HECW1: variants seen among roughly 807,000 people sequenced by gnomAD.
HECW1 encodes the protein E3 ubiquitin-protein ligase HECW1.
Under a neutral mutation model 182.3 loss-of-function variants are expected in HECW1, and 61 were observed. That is an observed-to-expected ratio of 0.33 (90% CI 0.27 to 0.41). HECW1 has a LOEUF of 0.41. HECW1 is among the 10% of genes least tolerant of loss of function. The pLI is 1.00. For synonymous variants in HECW1, 859 were observed against 832.6 expected, an observed-to-expected ratio of 1.03 and a Z score of -0.55; for missense variants, 1,739 against 2,108.9, an observed-to-expected ratio of 0.82 and a Z score of 3.44.
intron 17 of HECW1, chr7:43,484,580 A>C (rs1370223796): frequency 3.3e-5 from 5 of 152,224 alleles, no homozygotes; most frequent in Admixed American, 1.3e-4. Context: ...TATAAATTGC[A>C]TGTAAGGACA....
At chr7:43,405,836 C>T (rs940873866) in intron 7 of HECW1, among the ~76,000 whole-genome samples, 1 of 152,194 alleles carries the variant, frequency 6.6e-6, no homozygotes, top group Non-Finnish European at 1.5e-5. Flanking sequence ...GCTATGTTAA[C>T]TTCTGTCTAC....
intron 2 of HECW1, among the ~76,000 whole-genome samples, chr7:43,116,126 G>T (rs769786401): frequency 2.6e-5 from 4 of 152,108 alleles, no homozygotes; most frequent in Non-Finnish European, 4.4e-5. Context: ...GCTTAAGGGG[G>T]AACCGAGAGC....
At chr7:43,222,754 T>C (rs1797093152) in intron 2 of HECW1, among the ~76,000 whole-genome samples, 1 of 152,178 alleles carries the variant, frequency 6.6e-6, no homozygotes, top group Non-Finnish European at 1.5e-5. Flanking sequence ...TCCCCCACCA[T>C]GTGGATGCCT....
At chr7:43,235,787 G>A (rs1435969092) in intron 2 of HECW1, among the ~76,000 whole-genome samples, 1 of 151,962 alleles carries the variant, frequency 6.6e-6, no homozygotes, top group East Asian at 1.9e-4. Flanking sequence ...CATGGGTGTG[G>A]GTGGCATTCT....
intron 2 of HECW1, among the ~76,000 whole-genome samples, chr7:43,218,061 G>A (rs1796596070): frequency 1.3e-5 from 2 of 152,350 alleles, no homozygotes; most frequent in Non-Finnish European, 2.9e-5. Flanking sequence ...CCCCTTTGGA[G>A]GAGAGCTGTG....
chr7:43,301,245 T>G (rs183774107), intron 3 of HECW1, among the ~76,000 whole-genome samples: 1 of 152,320 alleles, frequency 6.6e-6, no homozygotes, highest in Non-Finnish European at 1.5e-5. Flanking sequence ...CTCAGCATGC[T>G]TCTAGTAAAG....
intron 17 of HECW1, among the ~76,000 whole-genome samples, chr7:43,489,327 G>A (rs571133757): frequency 6.6e-6 from 1 of 152,256 alleles, no homozygotes; most frequent in Admixed American, 6.5e-5. Flanking sequence ...AAGAAAAAGA[G>A]ACTTATAATT....
At chr7:43,345,878 T>C (rs1813623304) in intron 5 of HECW1, among the ~76,000 whole-genome samples, 2 of 151,550 alleles carry the variant, frequency 1.3e-5, no homozygotes, top group South Asian at 2.1e-4. Flanking sequence ...ACACACACAC[T>C]ACAGCCACTT....
At chr7:43,355,806 T>G (rs1309414608) in intron 5 of HECW1, among the ~76,000 whole-genome samples, 2 of 152,052 alleles carry the variant, frequency 1.3e-5, no homozygotes, top group African/African-American at 4.8e-5. Flanking sequence ...CTGGCCAACA[T>G]GGTGAAACCC....
At chr7:43,202,891 T>C (rs1795140655) in intron 2 of HECW1, among the ~76,000 whole-genome samples, 1 of 152,190 alleles carries the variant, frequency 6.6e-6, no homozygotes, top group African/African-American at 2.4e-5. Flanking sequence ...ACGGAGCACC[T>C]TGTGACCCCC....
chr7:43,277,929 A>G (rs895776287), intron 3 of HECW1, among the ~76,000 whole-genome samples: 1 of 151,900 alleles, frequency 6.6e-6, no homozygotes, highest in Admixed American at 6.6e-5. Flanking sequence ...TCTTTTTCCA[A>G]ATTCGTGCTC....
chr7:43,255,778 A>C (rs951050010), intron 3 of HECW1, among the ~76,000 whole-genome samples: 1 of 152,172 alleles, frequency 6.6e-6, no homozygotes, highest in Admixed American at 6.5e-5. Context: ...GAGAAAAGCC[A>C]TTCCACTCAC....
intron 24 of HECW1, among the ~76,000 whole-genome samples, chr7:43,513,009 T>C (rs530249334): frequency 1.3e-4 from 20 of 152,268 alleles, no homozygotes; most frequent in African/African-American, 4.1e-4. Flanking sequence ...ATAAGCTCTA[T>C]TGGAGCAGAG....
intron 2 of HECW1, among the ~76,000 whole-genome samples, chr7:43,174,104 A>C (rs909563583): frequency 6.6e-6 from 1 of 152,114 alleles, no homozygotes; most frequent in Non-Finnish European, 1.5e-5. Context: ...GCCTTCCTAC[A>C]TGCTGGGATT....
chr7:43,411,569 A>G (rs1562947087), intron 8 of HECW1, among the ~76,000 whole-genome samples: 1 of 152,174 alleles, frequency 6.6e-6, no homozygotes. Context: ...ATCAGTTGCC[A>G]CAAGAAGCAT....
intron 9 of HECW1, among the ~76,000 whole-genome samples, chr7:43,441,770 A>G (rs562890978): frequency 2.6e-5 from 4 of 152,358 alleles, no homozygotes; most frequent in South Asian, 4.1e-4. Context: ...AATTTCATAT[A>G]ATTTTCACAT....
intron 26 of HECW1, among the ~76,000 whole-genome samples, chr7:43,542,480 C>T (rs2081399725): frequency 6.6e-6 from 1 of 150,824 alleles, no homozygotes; most frequent in African/African-American, 2.4e-5. Context: ...ATAAAATATT[C>T]CTTCCTTTTT....
chr7:43,252,068 T>A lies in HECW1; in HGVS notation c.27+8136T>A, dbSNP rs556144827. ...AATGTTGGTCTAGAATTCACTCCCT[T>A]AACACACAGAATATTTCCAAATGTG... On this transcript the variant is annotated intron_variant, in intron 3 of 29. Coordinates refer to ENST00000395891, the MANE Select transcript of HECW1 (RefSeq NM_015052.5). Among the ~76,000 whole-genome samples, 309 of 152,264 alleles carry A rather than the reference T, an allele frequency of 2.0e-3. 1 individual carries two copies. Among genetic ancestry groups the A allele is most frequent in the African/African-American group, 7.0e-3 (289 of 41,540 alleles).
intron 3 of HECW1, among the ~76,000 whole-genome samples, chr7:43,296,051 AATTAT>A (rs1179610714): frequency 6.6e-6 from 1 of 152,242 alleles, no homozygotes. Flanking sequence ...TTACCTTGCT[AATTAT>A]ATTATAAATA....
Sources: gnomAD v4.1 joint callset for allele counts (sites outside exome capture counted in the v4.1 genomes callset) on GRCh38, gnomAD v4.1.1 for gene constraint, MANE v1.5 for transcripts, NCBI Gene and HGNC (gene_info 2026-07-23, HGNC 2026-07-21) for gene names.